Variants in TET3 observed in about 807,000 individuals in gnomAD.
The protein encoded by TET3 is methylcytosine dioxygenase TET3.
A neutral mutation model predicts 141.4 loss-of-function variants in TET3; 19 were observed. The observed-to-expected ratio is 0.13, with a 90% CI of 0.09 to 0.20. The LOEUF (loss-of-function observed/expected upper bound fraction) is 0.20, where lower values mean the gene tolerates loss of function less well. Ranked by LOEUF, TET3 falls within the 10% of genes least tolerant of loss-of-function variation. The pLI is 1.00. For missense variants in TET3, 1,874 were observed against 2,356.9 expected, an observed-to-expected ratio of 0.80 and a Z score of 4.24; for synonymous variants, 1,043 against 980.9, an observed-to-expected ratio of 1.06 and a Z score of -1.18.
intron 3 of TET3, among the ~76,000 whole-genome samples, chr2:74,033,998 A>C (rs1686891902): frequency 6.6e-6 from 1 of 152,156 alleles, no homozygotes; most frequent in Non-Finnish European, 1.5e-5. Flanking sequence ...TGGGAGGCTG[A>C]GGCAGGAGAA....
At chr2:74,060,111 C>T (rs1479380110) in intron 4 of TET3, among the ~76,000 whole-genome samples, 1 of 152,144 alleles carries the variant, frequency 6.6e-6, no homozygotes, top group African/African-American at 2.4e-5. Context: ...GTGGTTGTTA[C>T]AGTTTAAGCT....
At chr2:74,061,746 C>T (rs1422449933) in intron 4 of TET3, among the ~76,000 whole-genome samples, 133 of 142,156 alleles carry the variant, frequency 9.4e-4, no homozygotes, top group African/African-American at 2.9e-3. Flanking sequence ...TCAGACGGGG[C>T]GGCCGGGCAG....
chr2:74,098,715 T>C (rs1690992841), intron 10 of TET3, among the ~76,000 whole-genome samples: 1 of 152,014 alleles, frequency 6.6e-6, no homozygotes, highest in African/African-American at 2.4e-5. Flanking sequence ...TGTCTCAGCC[T>C]CCCAAGTAGC....
chr2:74,038,319 C>T (rs1687172522), intron 3 of TET3, among the ~76,000 whole-genome samples: 1 of 152,156 alleles, frequency 6.6e-6, no homozygotes, highest in African/African-American at 2.4e-5. Context: ...TCCTGCCTCT[C>T]AGTCTCCTAG....
the TET3 span, chr2:74,135,362 C>T: frequency 3.0e-6 from 2 of 663,442 alleles, no homozygotes; most frequent in East Asian, 2.7e-5. Flanking sequence ...AAGACAAGAC[C>T]CCTTTGGCCA....
At chr2:74,042,350 G>A (rs867683374) in intron 3 of TET3, among the ~76,000 whole-genome samples, 10 of 152,366 alleles carry the variant, frequency 6.6e-5, no homozygotes, top group Middle Eastern at 3.4e-3. Context: ...CAAGAAGGCA[G>A]TGTGGAGTGG....
the TET3 span, chr2:74,122,398 C>T: frequency 6.8e-6 from 1 of 146,660 alleles, no homozygotes; most frequent in Non-Finnish European, 1.5e-5. Flanking sequence ...CATAGAGGAG[C>T]CAGTCAAGAA....
At chr2:74,007,223 C>T (rs1191162485) in intron 3 of TET3, among the ~76,000 whole-genome samples, 2 of 152,216 alleles carry the variant, frequency 1.3e-5, no homozygotes, top group Non-Finnish European at 2.9e-5. Flanking sequence ...GTGTTTGGGG[C>T]TGTGAACTTG....
intron 3 of TET3, among the ~76,000 whole-genome samples, chr2:74,029,549 A>G (rs1686557561): frequency 6.6e-6 from 1 of 152,216 alleles, no homozygotes; most frequent in Non-Finnish European, 1.5e-5. Flanking sequence ...ATGAGAAAAA[A>G]CCACTGATAT....
At chr2:74,032,481 G>GCGCGCGCGCGCGCGCGA (rs1558730061) in intron 3 of TET3, among the ~76,000 whole-genome samples, 5 of 150,594 alleles carry the variant, frequency 3.3e-5, no homozygotes, top group African/African-American at 9.8e-5. Flanking sequence ...GTGTGTGTGT[G>GCGCGCGCGCGCGCGCGA]TGTGTGTGTG....
At chr2:74,052,555 C>CTA (rs1420905669) in intron 4 of TET3, among the ~76,000 whole-genome samples, 1 of 108,570 alleles carries the variant, frequency 9.2e-6, no homozygotes, top group African/African-American at 4.9e-5. Context: ...GTTCCTATAG[C>CTA]CAAAAAAAAA....
chr2:74,107,665 C>G lies in TET3; in HGVS notation c.*5489C>G, dbSNP rs1425580159. 1 of 152,116 alleles carries G rather than the reference C, an allele frequency of 6.6e-6. No homozygotes were observed. The highest frequency in any genetic ancestry group is 2.4e-5 in the African/African-American group (1 of 41,422). 9.4% of individuals were successfully genotyped at this position (152,116 alleles called of 1,614,324 possible). Reference sequence around the variant, plus strand: ...TAGACTTAATCTAGAACCCCTGTAGCTTTTTGATGTGTTTTATTTCTTATC... The same window carrying G: ...TAGACTTAATCTAGAACCCCTGTAGGTTTTTGATGTGTTTTATTTCTTATC... On this transcript the variant is annotated 3_prime_UTR_variant, in exon 12 of 12. Transcript: ENST00000409262.
chr2:74,041,396 G>A (rs1193254594), intron 3 of TET3, among the ~76,000 whole-genome samples: 1 of 152,148 alleles, frequency 6.6e-6, no homozygotes, highest in Non-Finnish European at 1.5e-5. Flanking sequence ...CTGCCCAGAG[G>A]GTGCGGCCCC....
chr2:74,089,779 A>G, intron 7 of TET3, 118 bp from the exon 8 acceptor site: 1 of 1,346,378 alleles, frequency 7.4e-7, no homozygotes, highest in Non-Finnish European at 1.0e-6. Flanking sequence ...GATGAGTCTC[A>G]GTCACTGGGA....
chr2:74,044,289 T>C (rs1265407723), intron 3 of TET3, among the ~76,000 whole-genome samples: 1 of 152,238 alleles, frequency 6.6e-6, no homozygotes, highest in East Asian at 1.9e-4. Context: ...TAAAAATTTA[T>C]AGAAAAATAG....
chr2:74,052,272 G>T (rs1033569279), intron 4 of TET3, among the ~76,000 whole-genome samples: 3 of 152,140 alleles, frequency 2.0e-5, no homozygotes, highest in African/African-American at 7.2e-5. Flanking sequence ...AAGCCACCAC[G>T]CCTGAACAGG....
At chr2:74,124,111 C>T in the TET3 span, among the ~76,000 whole-genome samples, 89 of 152,100 alleles carry the variant, frequency 5.9e-4, no homozygotes, top group African/African-American at 1.9e-3. Context: ...AGCAGCTGCC[C>T]GGTCCAGGAG....
At chr2:74,016,571 A>G (rs1459249498) in intron 3 of TET3, among the ~76,000 whole-genome samples, 1 of 151,562 alleles carries the variant, frequency 6.6e-6, no homozygotes, top group African/African-American at 2.4e-5. Flanking sequence ...AAAATACAAA[A>G]ATTAGCCAGG....
At chr2:74,080,209 A>T (rs1461057338) in intron 5 of TET3, among the ~76,000 whole-genome samples, 1 of 152,160 alleles carries the variant, frequency 6.6e-6, no homozygotes, top group African/African-American at 2.4e-5. Flanking sequence ...TGGAGTTCGG[A>T]GGTAACGATC....
Sources: allele counts gnomAD v4.1 joint callset (sites outside exome capture counted in the v4.1 genomes callset), GRCh38; gene constraint gnomAD v4.1.1; transcripts MANE v1.5; gene names NCBI Gene and HGNC (gene_info 2026-07-23, HGNC 2026-07-21).